The following GDF7 variants were observed in gnomAD, a reference collection of about 807,000 sequenced individuals.
GDF7 encodes growth differentiation factor 7, also known as growth/differentiation factor 7.
GDF7 carries 12 observed loss-of-function variants against 13.4 expected under a neutral mutation model. That is an observed-to-expected ratio of 0.90 (90% CI 0.57 to 1.45). The LOEUF (loss-of-function observed/expected upper bound fraction) is 1.45, where lower values mean the gene tolerates loss of function less well. Among genes scored for constraint, GDF7 ranks in the 40% most tolerant of loss-of-function variants. GDF7 has a pLI of 0.00. For missense variants in GDF7, 651 were observed against 652.4 expected (o/e 1.00, Z 0.02); for synonymous variants, 330 against 306.4 (o/e 1.08, Z -0.80).
chr2:20,667,808 G>A lies in GDF7; in HGVS notation c.391+178G>A, dbSNP rs1016588156. ...TCCAGCCCGCTGCACCTGGACTGTG[G>A]CGAGAGTCGCGGCAGCTCCCGGGGC... On this transcript the variant is annotated intron_variant, in intron 1 of 1. Transcript: ENST00000272224. The surrounding 1 kb of genome is among the most constrained non-coding windows in gnomAD (Gnocchi z 6.4). Among the ~76,000 whole-genome samples, 5 of 152,202 alleles carry A rather than the reference G, an allele frequency of 3.3e-5. No homozygotes were observed. The highest frequency in any genetic ancestry group is 1.2e-4 in the African/African-American group (5 of 41,460).
In GDF7 at chr2:20,671,323, A is replaced by C. The variant is rs1191234906; in HGVS notation, c.1251A>C (p.Pro417=). Residue 417 remains proline, a synonymous_variant, in exon 2 of 2, where the codon CCA becomes CCC. Transcript: ENST00000272224. ...CGGCGCCGGCCTCCTGCTGTGTGCC[A>C]GCGCGCCTCAGCCCCATCAGCATCC... is the stretch of plus-strand genomic sequence containing the variant. ...PDAAPASCCV[P]ARLSPISILY... 6 of 1,613,550 alleles carry C rather than the reference A, an allele frequency of 3.7e-6. No individual in the cohort carries two copies. The highest frequency in any genetic ancestry group is 5.1e-6 in the Non-Finnish European group (6 of 1,179,920).
chr2:20,667,362 G>GGGCGGA lies in GDF7; in HGVS notation c.128_129insAGGCGG (p.Gly49_Gly50dup). The GGGCGGA allele has an allele frequency of 1.2e-6, 1 of 808,850 alleles. No homozygotes were observed. Among genetic ancestry groups the GGGCGGA allele is most frequent in the Non-Finnish European group, 1.5e-6 (1 of 671,716 alleles). 50.1% of individuals were successfully genotyped at this position (808,850 alleles called of 1,614,324 possible). On this transcript the variant is annotated inframe_insertion, in exon 1 of 2. Transcript: ENST00000272224. The surrounding 1 kb of genome is among the most constrained non-coding windows in gnomAD (Gnocchi z 6.4). ...GGGCTGGGCCGGTCCGGAGCCCAGG[G>GGGCGGA]GGCGGCGGCGGCGGCGGCGGCGGCG...
chr2:20,670,777 C>T lies in GDF7; in HGVS notation c.705C>T (p.Arg235=), dbSNP rs764202098. The T allele has an allele frequency of 2.0e-6, 3 of 1,492,400 alleles. No individual in the cohort carries two copies. Among genetic ancestry groups the T allele is most frequent in the Non-Finnish European group, 1.8e-6 (2 of 1,127,200 alleles). The allele number at this position is 1,492,400 out of a possible 1,614,324, so 92.4% of individuals were successfully genotyped here. A position where few individuals can be genotyped will look rare whatever the true frequency, so the allele number is the denominator to read the frequency against. ...CCCGCGCGTTCTGCCTCTTGCTGCG[C>T]GCAGTGGCAGGCCCGGTGCCGAGCC... ...RPPRAFCLLL[R]AVAGPVPSPL... The change falls in exon 2 of 2, where the codon CGC becomes CGT. Residue 235 remains arginine, a synonymous_variant. Coordinates refer to ENST00000272224, the MANE Select transcript of GDF7 (RefSeq NM_182828.4).
Position 20,671,361 on chromosome 2 carries a change from C to A in GDF7, c.1289C>A (p.Ala430Asp). Residue 430 changes from alanine to aspartate, a missense_variant, in exon 2 of 2, where the codon GCC becomes GAC. By Grantham distance (126) the Ala-to-Asp change is moderately radical (BLOSUM62 -2). Coordinates refer to ENST00000272224, the MANE Select transcript of GDF7 (RefSeq NM_182828.4). ...CCCATCAGCATCCTCTACATCGACG[C>A]CGCCAACAACGTTGTCTACAAGCAA... ...LSPISILYIDAANNVVYKQYE... is the reference protein window; with the variant it reads ...LSPISILYIDDANNVVYKQYE... 6.2e-7 allele frequency: 1 copy of A among 1,613,160 alleles called. No individual in the cohort carries two copies. Among genetic ancestry groups the A allele is most frequent in the Non-Finnish European group, 8.5e-7 (1 of 1,179,834 alleles).
chr2:20,667,685 GC>G lies in GDF7; in HGVS notation c.391+59del. On this transcript the variant is annotated intron_variant, in intron 1 of 1. Transcript: ENST00000272224. The surrounding 1 kb of genome is among the most constrained non-coding windows in gnomAD (Gnocchi z 6.4). The stretch of plus-strand genomic sequence containing the variant: ...CCCGTCAGGTCCTGGGCTGAGACCA[GC>G]CCCGGAGCCGTGCCGCAGCTCCGTT... 1 of 1,270,378 alleles carries G rather than the reference GC, an allele frequency of 7.9e-7. No homozygotes were observed. The highest frequency in any genetic ancestry group is 1.0e-6 in the Non-Finnish European group (1 of 999,238). 78.7% of individuals were successfully genotyped at this position (1,270,378 alleles called of 1,614,324 possible).
At position 20,667,455 on chromosome 2, in the gene GDF7, C is replaced by A. The variant is rs1695986084; in HGVS notation, c.216C>A (p.Ala72=). The A allele has an allele frequency of 8.6e-7, 1 of 1,160,238 alleles. No homozygotes were observed. The highest frequency in any genetic ancestry group is 1.1e-6 in the Non-Finnish European group (1 of 935,658). 71.9% of individuals were successfully genotyped at this position (1,160,238 alleles called of 1,614,324 possible). The change falls in exon 1 of 2, where the codon GCC becomes GCA. Residue 72 remains alanine (A), a synonymous_variant. Transcript: ENST00000272224. This position sits in a 1 kb window ranked among gnomAD's most constrained non-coding sequence, Gnocchi z 6.4. ...CCGCCGCGGTTCCCCGGGCCCGCGC[C>A]GCGCGCCGCGCCGCGGGCTCCGGCT... ...VPAAAVPRAR[A]ARRAAGSGFR...
At chr2:20,669,849 C>T (rs1014118185) in intron 1 of GDF7, among the ~76,000 whole-genome samples, 4 of 152,208 alleles carry the variant, frequency 2.6e-5, no homozygotes, top group Non-Finnish European at 4.4e-5. Context: ...TTCTCCCGGA[C>T]GAATCGCCGA....
Position 20,671,362 on chromosome 2 carries a change from C to T in GDF7, c.1290C>T (p.Ala430=). The T allele has an allele frequency of 6.2e-7, 1 of 1,613,002 alleles. No individual in the cohort carries two copies. Among genetic ancestry groups the T allele is most frequent in the East Asian group, 2.2e-5 (1 of 44,824 alleles). Residue 430 remains alanine (A), a synonymous_variant, in exon 2 of 2, where the codon GCC becomes GCT. Coordinates refer to ENST00000272224, the MANE Select transcript of GDF7 (RefSeq NM_182828.4). ...LSPISILYID[A]ANNVVYKQYE... is the part of the protein sequence containing the mutation. The stretch of plus-strand genomic sequence containing the variant: ...CCATCAGCATCCTCTACATCGACGC[C>T]GCCAACAACGTTGTCTACAAGCAAT...
Position 20,674,496 on chromosome 2 carries a change from A to G in GDF7, c.*3071A>G, listed in dbSNP as rs1173409674. 1 of 152,198 alleles carries G rather than the reference A, an allele frequency of 6.6e-6. No homozygotes were observed. Among genetic ancestry groups the G allele is most frequent in the African/African-American group, 2.4e-5 (1 of 41,448 alleles). The allele number at this position is 152,198 out of a possible 1,614,324, so 9.4% of individuals were successfully genotyped here. On this transcript the variant is annotated 3_prime_UTR_variant, in exon 2 of 2. Transcript: ENST00000272224. ...GCTGGTGCTGGGTCTGTCAAACACA[A>G]TGATAGCCTGGTCACTGCTGCTTGA...
Position 20,667,766 on chromosome 2 carries a change from C to G in GDF7, c.391+136C>G, listed in dbSNP as rs1695993436. 3.4e-6 allele frequency: 2 copies of G among 590,448 alleles called. No homozygotes were observed. Among genetic ancestry groups the G allele is most frequent in the Non-Finnish European group, 2.5e-6 (1 of 400,642 alleles). The allele number at this position is 590,448 out of a possible 1,614,324, so 36.6% of individuals were successfully genotyped here. On this transcript the variant is annotated intron_variant, in intron 1 of 1. Coordinates refer to ENST00000272224, the MANE Select transcript of GDF7 (RefSeq NM_182828.4). The surrounding 1 kb of genome is among the most constrained non-coding windows in gnomAD (Gnocchi z 6.4). ...ACCCTCAGGTGATAGAAAGAAACTTCGCCGAGGCCAACACTCTCCAGCCCG... is the reference window on the plus strand; with the variant it reads ...ACCCTCAGGTGATAGAAAGAAACTTGGCCGAGGCCAACACTCTCCAGCCCG...
chr2:20,675,374 C>T lies in GDF7; in HGVS notation c.*3949C>T, dbSNP rs1257119853. 2.6e-5 allele frequency: 4 copies of T among 152,294 alleles called. No individual in the cohort carries two copies. Among genetic ancestry groups the T allele is most frequent in the African/African-American group, 9.6e-5 (4 of 41,466 alleles). The allele number at this position is 152,294 out of a possible 1,614,324, so 9.4% of individuals were successfully genotyped here. On this transcript the variant is annotated 3_prime_UTR_variant, in exon 2 of 2. Coordinates refer to ENST00000272224, the MANE Select transcript of GDF7 (RefSeq NM_182828.4). Reference sequence around the variant, plus strand: ...CTGCCGAGCGAACCCAGCAGCCAAACTTTGGGTGAGTGGAAAGTAACTAGA... The same window carrying T: ...CTGCCGAGCGAACCCAGCAGCCAAATTTTGGGTGAGTGGAAAGTAACTAGA...
rs756893365 is a variant in GDF7 at position 20,671,095 on chromosome 2, C to T, written c.1023C>T (p.His341=). The change falls in exon 2 of 2, where the codon CAC becomes CAT. Residue 341 remains histidine (H), a synonymous_variant. Transcript: ENST00000272224. ...GCGGCGGGGGCGCGGGCCGGGGCCA[C>T]GGGCGCAGGGGCCGGAGCCGCTGCA... ...QGSGGGAGRG[H]GRRGRSRCSR... 2.6e-6 allele frequency: 4 copies of T among 1,555,128 alleles called. No homozygotes were observed. Among genetic ancestry groups the T allele is most frequent in the Admixed American group, 3.8e-5 (2 of 51,952 alleles).
rs1215632610 is a variant in GDF7, at chr2:20,670,860, A to C, written c.788A>C (p.Glu263Ala). 1 of 1,505,798 alleles carries C rather than the reference A, an allele frequency of 6.6e-7. No homozygotes were observed. Among genetic ancestry groups the C allele is most frequent in the Non-Finnish European group, 8.8e-7 (1 of 1,134,422 alleles). The allele number at this position is 1,505,798 out of a possible 1,614,324, so 93.3% of individuals were successfully genotyped here. Residue 263 changes from glutamate (E) to alanine (A), a missense_variant, in exon 2 of 2, where the codon GAG (glutamate) becomes GCG (alanine). Around this residue, in one of 4 missense-constraint regions of GDF7, gnomAD observed 487 missense variants for 445.9 expected, o/e 1.09. Transcript: ENST00000272224. Reference sequence around the variant, plus strand: ...CCGGGCGGAGGGGGCTCTGCGGCAGAGGAGCGCGCGGTGCTAGTCGTCTCC... The same window carrying C: ...CCGGGCGGAGGGGGCTCTGCGGCAGCGGAGCGCGCGGTGCTAGTCGTCTCC... ...GWPGGGGSAA[E>A]ERAVLVVSSR...
At position 20,667,615 on chromosome 2, in the gene GDF7, G is replaced by A. The variant is rs1695990191; in HGVS notation, c.376G>A (p.Asp126Asn). 1.3e-6 allele frequency: 2 copies of A among 1,504,476 alleles called. No individual in the cohort carries two copies. Among genetic ancestry groups the A allele is most frequent in the African/African-American group, 1.4e-5 (1 of 69,332 alleles). 93.2% of individuals were successfully genotyped at this position (1,504,476 alleles called of 1,614,324 possible). Residue 126 changes from aspartate (D) to asparagine (N), a missense_variant, in exon 1 of 2, where the codon GAC becomes AAC. Transcript: ENST00000272224. This position sits in a 1 kb window ranked among gnomAD's most constrained non-coding sequence, Gnocchi z 6.4. ...GRADTITGFT[D>N]QATQDESAAE... Reference sequence around the variant, plus strand: ...CGCGGACACGATCACCGGCTTCACAGACCAGGCGACCCAAGGTACTTACGC... The same window carrying A: ...CGCGGACACGATCACCGGCTTCACAAACCAGGCGACCCAAGGTACTTACGC...
rs934437738 is a variant in GDF7, at chr2:20,678,589, C to G, written c.*7164C>G. The stretch of plus-strand genomic sequence containing the variant: ...GCTGTTTAAGCAGGACTTGGGTGGG[C>G]AGCAGAATTCTGCACATGACGAGTG... On this transcript the variant is annotated 3_prime_UTR_variant, in exon 2 of 2. Coordinates refer to ENST00000272224, the MANE Select transcript of GDF7 (RefSeq NM_182828.4). The G allele has an allele frequency of 6.6e-6, 1 of 152,182 alleles. No homozygotes were observed. Among genetic ancestry groups the G allele is most frequent in the African/African-American group, 2.4e-5 (1 of 41,436 alleles). 9.4% of individuals were successfully genotyped at this position (152,182 alleles called of 1,614,324 possible).
In GDF7 at chr2:20,667,594, G is replaced by C; in HGVS notation, c.355G>C (p.Asp119His). 1 of 1,512,978 alleles carries C rather than the reference G, an allele frequency of 6.6e-7. No individual in the cohort carries two copies. Among genetic ancestry groups the C allele is most frequent in the Non-Finnish European group, 8.8e-7 (1 of 1,137,518 alleles). The allele number at this position is 1,512,978 out of a possible 1,614,324, so 93.7% of individuals were successfully genotyped here. A position where few individuals can be genotyped will look rare whatever the true frequency, so the allele number is the denominator to read the frequency against. ...CTCCGCCTCGGGCCATGGTCGCGCG[G>C]ACACGATCACCGGCTTCACAGACCA... The part of the protein sequence containing the change: ...AVSASGHGRA[D>H]TITGFTDQAT... The change falls in exon 1 of 2, where the codon GAC becomes CAC. Residue 119 changes from aspartate (D) to histidine (H), a missense_variant. Asp to His is a moderately conservative substitution (Grantham distance 81). Transcript: ENST00000272224. This position sits in a 1 kb window ranked among gnomAD's most constrained non-coding sequence, Gnocchi z 6.4.
In GDF7 at chr2:20,673,647, A is replaced by AT. The variant is rs563132771; in HGVS notation, c.*2228dup. Reference sequence around the variant, plus strand: ...ACTTTTTTAGTGACTAGTAAAAACAATTTTTTGGGCAGAAATGTCTTGATT... The same window carrying AT: ...ACTTTTTTAGTGACTAGTAAAAACAATTTTTTTGGGCAGAAATGTCTTGATT... On this transcript the variant is annotated 3_prime_UTR_variant, in exon 2 of 2. Transcript: ENST00000272224. 7 of 152,346 alleles carry AT rather than the reference A, an allele frequency of 4.6e-5. No individual in the cohort carries two copies. In the South Asian group the frequency reaches 1.5e-3, roughly 32 times the overall value. 9.4% of individuals were successfully genotyped at this position (152,346 alleles called of 1,614,324 possible). A position where few individuals can be genotyped will look rare whatever the true frequency, so the allele number is the denominator to read the frequency against.
At chr2:20,669,696 G>T (rs1221084575) in intron 1 of GDF7, among the ~76,000 whole-genome samples, 2 of 152,228 alleles carry the variant, frequency 1.3e-5, no homozygotes, top group Non-Finnish European at 2.9e-5. Flanking sequence ...GGGAGGAGGT[G>T]CATTTGGGGT....
rs1695969731 is a variant in GDF7, at chr2:20,667,153, A to G, written c.-87A>G. The G allele has an allele frequency of 2.9e-6, 3 of 1,028,704 alleles. No homozygotes were observed. Among genetic ancestry groups the G allele is most frequent in the South Asian group, 8.7e-5 (2 of 23,112 alleles). 63.7% of individuals were successfully genotyped at this position (1,028,704 alleles called of 1,614,324 possible). On this transcript the variant is annotated 5_prime_UTR_variant, in exon 1 of 2. Coordinates refer to ENST00000272224, the MANE Select transcript of GDF7 (RefSeq NM_182828.4). This position sits in a 1 kb window ranked among gnomAD's most constrained non-coding sequence, Gnocchi z 6.4. Reference sequence around the variant, plus strand: ...CGGGCTGGCCGCGCACACTTCCCCCATTATTAAACACTATGTTCAAAAGGC... The same window carrying G: ...CGGGCTGGCCGCGCACACTTCCCCCGTTATTAAACACTATGTTCAAAAGGC...
Sources: gnomAD v4.1 joint callset for allele counts (sites outside exome capture counted in the v4.1 genomes callset) on GRCh38, gnomAD v4.1.1 for gene constraint, gnomAD v4.1.1 regional missense constraint, Gnocchi (gnomAD v3.1) non-coding constraint, MANE v1.5 for transcripts, NCBI Gene and HGNC (gene_info 2026-07-23, HGNC 2026-07-21) for gene names.